The following EIF4G3 variants were observed in gnomAD, a reference collection of about 807,000 sequenced individuals.
The protein encoded by EIF4G3 is eukaryotic translation initiation factor 4 gamma 3.
EIF4G3 carries 34 observed loss-of-function variants against 186.4 expected under a neutral mutation model. The observed-to-expected ratio is 0.18, with a 90% CI of 0.14 to 0.24. EIF4G3 has a LOEUF of 0.24. Among genes scored for constraint, EIF4G3 ranks in the 10% least tolerant of loss-of-function variants. EIF4G3 has a pLI of 1.00. For missense variants in EIF4G3, 1,536 were observed against 1,948.5 expected (o/e 0.79, Z 3.99); for synonymous variants, 673 against 679.5 (o/e 0.99, Z 0.15).
At chr1:20,875,391 A>G (rs2080459427) in intron 20 of EIF4G3, among the ~76,000 whole-genome samples, 1 of 152,226 alleles carries the variant, frequency 6.6e-6, no homozygotes, top group African/African-American at 2.4e-5. Context: ...CCTTTCTGTA[A>G]GCATGTTGCA....
chr1:20,963,982 T>C (rs1210822887), intron 12 of EIF4G3, among the ~76,000 whole-genome samples: 1 of 152,052 alleles, frequency 6.6e-6, no homozygotes, highest in Non-Finnish European at 1.5e-5. Context: ...TTCATCCTAT[T>C]TGGAAGTAGA....
At chr1:20,994,556 C>T (rs1391544177) in intron 7 of EIF4G3, among the ~76,000 whole-genome samples, 2 of 151,698 alleles carry the variant, frequency 1.3e-5, no homozygotes, top group Admixed American at 1.3e-4. Context: ...GAACTTACCT[C>T]CAAGAACTAT....
intron 2 of EIF4G3, among the ~76,000 whole-genome samples, chr1:21,104,253 T>G (rs2096576216): frequency 1.3e-5 from 2 of 152,210 alleles, no homozygotes; most frequent in South Asian, 2.1e-4. Context: ...AGTAACATCC[T>G]TCTTCATTCA....
intron 3 of EIF4G3, among the ~76,000 whole-genome samples, chr1:21,051,879 A>G (rs1426827482): frequency 2.6e-5 from 4 of 152,084 alleles, no homozygotes; most frequent in South Asian, 2.1e-4. Flanking sequence ...ATACAAAAAA[A>G]TTTTTAAAAA....
At chr1:20,918,701 CT>C (rs35704755) in intron 14 of EIF4G3, among the ~76,000 whole-genome samples, 9,087 of 94,702 alleles carry the variant, frequency 0.096, 321 homozygotes, top group East Asian at 0.14. Context: ...CTCCTAGTAT[CT>C]TTTTTTTTTT....
At chr1:20,940,957 A>T (rs751208049) in intron 14 of EIF4G3, among the ~76,000 whole-genome samples, 6 of 152,264 alleles carry the variant, frequency 3.9e-5, no homozygotes, top group Non-Finnish European at 7.3e-5. Flanking sequence ...GAGAACGTTA[A>T]GCTTACCTGC....
intron 4 of EIF4G3, among the ~76,000 whole-genome samples, chr1:21,028,089 C>G (rs2092359115): frequency 6.6e-6 from 1 of 152,132 alleles, no homozygotes; most frequent in South Asian, 2.1e-4. Context: ...TAGCCAAAGC[C>G]ACAGACAGAC....
At chr1:20,988,221 T>C (rs2080052977) in intron 7 of EIF4G3, 1 of 169,046 alleles carries the variant, frequency 5.9e-6, no homozygotes, top group African/African-American at 2.4e-5. Flanking sequence ...AAGCAGCAAG[T>C]ACTTATGGAG....
chr1:21,073,779 T>G (rs1397199295), intron 3 of EIF4G3: 1 of 403,970 alleles, frequency 2.5e-6, no homozygotes, highest in Non-Finnish European at 5.0e-6. Flanking sequence ...TCATTCTGAG[T>G]GCCTGTAGAC....
At chr1:20,871,615 A>G (rs1401881973) in intron 20 of EIF4G3, among the ~76,000 whole-genome samples, 1 of 152,210 alleles carries the variant, frequency 6.6e-6, no homozygotes, top group South Asian at 2.1e-4. Flanking sequence ...AGGTTTGGAA[A>G]ATGTTGTATA....
intron 11 of EIF4G3, 59 bp from the exon 12 acceptor site, chr1:20,969,655 G>A: frequency 3.2e-6 from 5 of 1,552,306 alleles, no homozygotes; most frequent in Non-Finnish European, 4.4e-6. Flanking sequence ...CAAATTTATA[G>A]GCATATAAGT....
rs539084115 is a variant in EIF4G3, at chr1:21,066,777, T to C, written c.-195-15783A>G. 1.3e-4 allele frequency among the ~76,000 whole-genome samples: 20 copies of C among 152,338 alleles called. 1 individual carries two copies. In the South Asian group the frequency reaches 4.1e-3, roughly 32 times the overall value. On this transcript the variant is annotated intron_variant, in intron 3 of 36. Coordinates refer to ENST00000602326, the MANE Select transcript of EIF4G3 (RefSeq NM_001391906.1). ...GAGATACTAATGGTCTTTCTTTCCT[T>C]TTCCTTAAAATAATTAAAACTCCAT...
At chr1:20,971,292 G>A (rs2075842586) in intron 11 of EIF4G3, among the ~76,000 whole-genome samples, 1 of 152,110 alleles carries the variant, frequency 6.6e-6, no homozygotes, top group South Asian at 2.1e-4. Context: ...CGCTTTTAGG[G>A]GAGTCCTTCA....
In EIF4G3 at chr1:21,176,182, G is replaced by A. The variant is rs2098100336; in HGVS notation, c.-279C>T. ...GGAAGGTGAAAAGGATACTGTTGGG[G>A]CGCCTGAGTCTGGAGGGCCCTGATG... On this transcript the variant is annotated 5_prime_UTR_variant, in exon 2 of 37. Coordinates refer to ENST00000602326, the MANE Select transcript of EIF4G3 (RefSeq NM_001391906.1). 1 of 419,988 alleles carries A rather than the reference G, an allele frequency of 2.4e-6. No individual in the cohort carries two copies. The highest frequency in any genetic ancestry group is 4.2e-6 in the Non-Finnish European group (1 of 240,466). 26.0% of individuals were successfully genotyped at this position (419,988 alleles called of 1,614,324 possible). A position where few individuals can be genotyped will look rare whatever the true frequency, so the allele number is the denominator to read the frequency against.
intron 14 of EIF4G3, among the ~76,000 whole-genome samples, chr1:20,927,016 T>TAGAG (rs1207626711): frequency 6.6e-6 from 1 of 151,786 alleles, no homozygotes; most frequent in East Asian, 1.9e-4. Flanking sequence ...ACCTTGTGAA[T>TAGAG]AGAGTCATAT....
chr1:21,067,457 G>T (rs2095287164), intron 3 of EIF4G3, among the ~76,000 whole-genome samples: 1 of 151,848 alleles, frequency 6.6e-6, no homozygotes, highest in African/African-American at 2.4e-5. Context: ...TTTTAACAAG[G>T]TATCTGATTT....
chr1:20,936,803 T>C (rs548622067), intron 14 of EIF4G3, among the ~76,000 whole-genome samples: 228 of 152,316 alleles, frequency 1.5e-3, no homozygotes, highest in Non-Finnish European at 2.7e-3. Flanking sequence ...TCAGTAAGTC[T>C]AAACTAAAAG....
At chr1:20,894,546 T>A (rs1020223120) in intron 17 of EIF4G3, among the ~76,000 whole-genome samples, 1 of 152,194 alleles carries the variant, frequency 6.6e-6, no homozygotes, top group African/African-American at 2.4e-5. Flanking sequence ...GGCTGCAAAT[T>A]TTTTTGCGTG....
At position 20,982,595 on chromosome 1, in the gene EIF4G3, C is replaced by T. The variant is rs1299530468; in HGVS notation, c.178-187G>A. The T allele has an allele frequency of 5.6e-6, 3 of 537,368 alleles. No homozygotes were observed. In the African/African-American group the frequency reaches 5.9e-5, roughly 11 times the overall value. The allele number at this position is 537,368 out of a possible 1,614,324, so 33.3% of individuals were successfully genotyped here. On this transcript the variant is annotated intron_variant, in intron 7 of 36. Transcript: ENST00000602326. Reference sequence around the variant, plus strand: ...AGTTCTTCACTTGAGAATTTAACCACACATAGAATCAAAGAATCAAGTTAC... The same window carrying T: ...AGTTCTTCACTTGAGAATTTAACCATACATAGAATCAAAGAATCAAGTTAC...
Sources: allele counts gnomAD v4.1 joint callset (sites outside exome capture counted in the v4.1 genomes callset), GRCh38; gene constraint gnomAD v4.1.1; transcripts MANE v1.5; gene names NCBI Gene and HGNC (gene_info 2026-07-23, HGNC 2026-07-21).